The following DCAF6 variants were observed in gnomAD, a reference collection of about 807,000 sequenced individuals.
The protein encoded by DCAF6 is DDB1 and CUL4 associated factor 6.
In DCAF6, 54 loss-of-function variants were observed where a neutral mutation model predicts 125.1. The ratio of observed to expected loss-of-function variants is 0.43; its 90% confidence interval spans 0.35 to 0.54. DCAF6 has a LOEUF of 0.54. Ranked by LOEUF, DCAF6 falls within the 20% of genes least tolerant of loss-of-function variation. The probability of loss-of-function intolerance (pLI) is 0.01; values close to 1 mark genes in which losing one functional copy is unlikely to be tolerated. For missense variants in DCAF6, 934 were observed against 1,161.7 expected, an observed-to-expected ratio of 0.80 and a Z score of 2.85; for synonymous variants, 371 against 390.4, an observed-to-expected ratio of 0.95 and a Z score of 0.58.
At chr1:168,051,056 G>C in intron 17 of DCAF6, 123 bp downstream of exon 17, 1 of 459,586 alleles carries the variant, frequency 2.2e-6, no homozygotes, top group Non-Finnish European at 3.7e-6. Context: ...TGAATTCTAA[G>C]TGCTAAGCAT....
At chr1:167,901,628 C>T in the DCAF6 span, 18 of 1,609,286 alleles carry the variant, frequency 1.1e-5, no homozygotes, top group Non-Finnish European at 8.5e-6. Flanking sequence ...CCTATCCCAG[C>T]TGCCGTAGGA....
the DCAF6 span, among the ~76,000 whole-genome samples, chr1:167,884,739 T>C: frequency 2.7e-5 from 4 of 146,464 alleles, no homozygotes; most frequent in Non-Finnish European, 1.5e-5. Flanking sequence ...GCTCTGTTGC[T>C]CAGGCTGGAG....
intron 2 of DCAF6, among the ~76,000 whole-genome samples, chr1:167,955,452 T>A (rs1451389687): frequency 6.6e-6 from 1 of 152,066 alleles, no homozygotes; most frequent in Non-Finnish European, 1.5e-5. Flanking sequence ...AGTTTTTTTT[T>A]TTTTTAAAGA....
At chr1:168,066,215 T>A (rs549482573) in intron 19 of DCAF6, among the ~76,000 whole-genome samples, 162 bp from the exon 20 acceptor site, 1 of 152,346 alleles carries the variant, frequency 6.6e-6, no homozygotes, top group South Asian at 2.1e-4. Context: ...AGGATAACAT[T>A]TAGCAAATTG....
At position 168,045,111 on chromosome 1, in the gene DCAF6, G is replaced by A; in HGVS notation, c.2142G>A (p.Gly714=). 6.2e-7 allele frequency: 1 copy of A among 1,613,990 alleles called. No homozygotes were observed. Among genetic ancestry groups the A allele is most frequent in the Non-Finnish European group, 8.5e-7 (1 of 1,179,952 alleles). Residue 714 remains glycine, a synonymous_variant, in exon 16 of 22, where the codon GGG becomes GGA. Coordinates refer to ENST00000367840, the MANE Select transcript of DCAF6 (RefSeq NM_001198956.2). The stretch of plus-strand genomic sequence containing the variant: ...CTCAGTTCCAAACAGAAGCCACTGG[G>A]CCTTCAGCTCATGAAGAAACATCCA... ...PEPQFQTEAT[G]PSAHEETSTR...
At chr1:167,974,395 T>G (rs916723572) in intron 3 of DCAF6, among the ~76,000 whole-genome samples, 3 of 152,176 alleles carry the variant, frequency 2.0e-5, no homozygotes, top group Admixed American at 6.5e-5. Context: ...TTCTGCTGTG[T>G]CTTATGTGTA....
intron 1 of DCAF6, among the ~76,000 whole-genome samples, chr1:167,947,720 G>T (rs1175824946): frequency 6.6e-6 from 1 of 152,144 alleles, no homozygotes; most frequent in Admixed American, 6.5e-5. Flanking sequence ...TTCTGCTGTT[G>T]TCTGAGAAGG....
intron 4 of DCAF6, among the ~76,000 whole-genome samples, chr1:167,985,605 C>G (rs1442130255): frequency 6.6e-6 from 1 of 152,062 alleles, no homozygotes; most frequent in Non-Finnish European, 1.5e-5. Flanking sequence ...CTTAATTAAT[C>G]ACATCTACAA....
chr1:168,007,962 CTTTTT>C (rs35185748), intron 10 of DCAF6, among the ~76,000 whole-genome samples: 153 of 67,480 alleles, frequency 2.3e-3, no homozygotes, highest in African/African-American at 9.6e-3. Flanking sequence ...TGTTGTACAT[CTTTTT>C]TTTTTTTTTT....
At chr1:167,880,407 T>C in the DCAF6 span, 13 of 1,100,032 alleles carry the variant, frequency 1.2e-5, no homozygotes, top group Admixed American at 2.2e-4. Context: ...TAATTCTTCT[T>C]TCTTTCCTGT....
intron 12 of DCAF6, among the ~76,000 whole-genome samples, chr1:168,036,689 A>G (rs1687851187): frequency 6.6e-6 from 1 of 152,084 alleles, no homozygotes; most frequent in South Asian, 2.1e-4. Flanking sequence ...TTTCCTTAAT[A>G]CATTTCTGTA....
At chr1:167,983,050 G>T (rs541340188) in intron 4 of DCAF6, among the ~76,000 whole-genome samples, 5 of 152,304 alleles carry the variant, frequency 3.3e-5, no homozygotes, top group East Asian at 1.9e-4. Flanking sequence ...GTACTATGCT[G>T]TTTTGGTTAC....
chr1:167,967,489 ATAAAAAGAAAG>A (rs758508324), intron 3 of DCAF6, among the ~76,000 whole-genome samples: 8 of 152,196 alleles, frequency 5.3e-5, no homozygotes, highest in Non-Finnish European at 1.2e-4. Flanking sequence ...ACTGATTGTA[ATAAAAAGAAAG>A]TGTGTGATGT....
At chr1:168,062,418 A>G (rs781598970) in intron 17 of DCAF6, among the ~76,000 whole-genome samples, 2 of 152,212 alleles carry the variant, frequency 1.3e-5, no homozygotes, top group Admixed American at 6.5e-5. Flanking sequence ...AAAGTTTACA[A>G]TATCTTTTTT....
chr1:168,073,863 G>A (rs1693441034), intron 21 of DCAF6, among the ~76,000 whole-genome samples: 1 of 150,544 alleles, frequency 6.6e-6, no homozygotes. Context: ...CCCTTAGGTA[G>A]CCTTTTATTG....
intron 13 of DCAF6, among the ~76,000 whole-genome samples, chr1:168,040,487 TAAA>T (rs59135639): frequency 7.0e-6 from 1 of 143,032 alleles, no homozygotes; most frequent in Non-Finnish European, 1.5e-5. Context: ...GGAGGTGGTT[TAAA>T]AAAAAAAAAA....
At position 168,044,010 on chromosome 1, in the gene DCAF6, T is replaced by C. The variant is rs1688851782; in HGVS notation, c.1844-575T>C. Among the ~76,000 whole-genome samples the C allele has an allele frequency of 3.3e-5, 5 of 152,260 alleles. No individual in the cohort carries two copies. In the South Asian group the frequency reaches 1.0e-3, roughly 32 times the overall value. ...ATCAGGTAATTTCAGCTGTAAGGGATAGTCTAAAGCAGAGATTCTGCACAT... is the reference window on the plus strand; with the variant it reads ...ATCAGGTAATTTCAGCTGTAAGGGACAGTCTAAAGCAGAGATTCTGCACAT... On this transcript the variant is annotated intron_variant, in intron 14 of 21. Coordinates refer to ENST00000367840, the MANE Select transcript of DCAF6 (RefSeq NM_001198956.2).
At chr1:167,950,484 A>G (rs1277654100) in intron 1 of DCAF6, among the ~76,000 whole-genome samples, 4 of 152,206 alleles carry the variant, frequency 2.6e-5, no homozygotes, top group African/African-American at 9.6e-5. Flanking sequence ...AAAAGCCCCC[A>G]TAATTATCCA....
chr1:167,916,867 G>C, the DCAF6 span: 1 of 152,226 alleles, frequency 6.6e-6, no homozygotes, highest in Non-Finnish European at 1.5e-5. Flanking sequence ...TTTATGAAAT[G>C]AAAGCAATAA....
Sources: gnomAD v4.1 joint callset for allele counts (sites outside exome capture counted in the v4.1 genomes callset) on GRCh38, gnomAD v4.1.1 for gene constraint, MANE v1.5 for transcripts, NCBI Gene and HGNC (gene_info 2026-07-23, HGNC 2026-07-21) for gene names.